The following CRYAB variants were observed in gnomAD, a reference collection of about 807,000 sequenced individuals.
CRYAB encodes the protein crystallin alpha B, also known as alpha-crystallin B chain.
In CRYAB, 9 loss-of-function variants were observed where a neutral mutation model predicts 12.7. The observed-to-expected ratio is 0.71, with a 90% confidence interval of 0.43 to 1.24. CRYAB has a LOEUF of 1.24. CRYAB is among the 50% of genes most tolerant of loss of function. CRYAB has a pLI of 0.00. For missense variants in CRYAB, 183 were observed against 226.6 expected (o/e 0.81, Z 1.24); for synonymous variants, 93 against 86.8 (o/e 1.07, Z -0.40).
chr11:111,919,023 C>T (rs781805876), intron 1 of CRYAB: 2 of 1,614,002 alleles, frequency 1.2e-6, no homozygotes, highest in East Asian at 2.2e-5. Flanking sequence ...GCTGGAAGGG[C>T]AAAGGGGAAC....
chr11:111,915,006 G>A (rs1965575768), upstream of CRYAB, among the ~76,000 whole-genome samples: 1 of 152,272 alleles, frequency 6.6e-6, no homozygotes, highest in African/African-American at 2.4e-5. Flanking sequence ...GGAGGTTGAA[G>A]CTGCAGTGAG....
chr11:111,911,820 G>A, upstream of CRYAB: 1 of 830,458 alleles, frequency 1.2e-6, no homozygotes, highest in Non-Finnish European at 2.0e-6. Context: ...TGAAGCTTCT[G>A]GAATGGTGAT....
Position 111,910,387 on chromosome 11 carries a change from T to C in CRYAB, c.264A>G (p.Glu88=), listed in dbSNP as rs782663050. The change falls in exon 2 of 3, where the codon GAA becomes GAG. Residue 88 remains glutamate (E), a synonymous_variant. Transcript: ENST00000650687. The part of the protein sequence containing the change: ...NLDVKHFSPE[E]LKVKVLGDVI... The stretch of plus-strand genomic sequence containing the variant: ...CATCTCCCAACACCTTAACTTTGAG[T>C]TCCTCTGGGGAGAAGTGCTTCACAT... The C allele has an allele frequency of 1.2e-6, 2 of 1,614,180 alleles. No homozygotes were observed. The highest frequency in any genetic ancestry group is 1.7e-6 in the Non-Finnish European group (2 of 1,180,014).
Position 111,908,846 on chromosome 11 carries a change from C to G in CRYAB, c.446G>C (p.Arg149Thr). Residue 149 changes from arginine (R) to threonine (T), a missense_variant, in exon 3 of 3, where the codon AGG (arginine) becomes ACG (threonine). Arg to Thr is a moderately conservative substitution (Grantham distance 71, BLOSUM62 -1). Coordinates refer to ENST00000650687, the MANE Select transcript of CRYAB (RefSeq NM_001289808.2). ...GCGCTCAGGGCCAGAGACCTGTTTC[C>G]TTGGTCCATTCACAGTGAGGACCCC... is the stretch of plus-strand genomic sequence containing the variant. ...SDGVLTVNGPRKQVSGPERTI... is the reference protein window; with the variant it reads ...SDGVLTVNGPTKQVSGPERTI... 6.2e-7 allele frequency: 1 copy of G among 1,614,064 alleles called. No individual in the cohort carries two copies. Among genetic ancestry groups the G allele is most frequent in the Non-Finnish European group, 8.5e-7 (1 of 1,180,028 alleles).
intron 1 of CRYAB, among the ~76,000 whole-genome samples, chr11:111,921,478 A>T (rs1003261138): frequency 6.6e-6 from 1 of 152,214 alleles, no homozygotes; most frequent in Non-Finnish European, 1.5e-5. Flanking sequence ...TTAAGTTAGT[A>T]AAAAAGGCCC....
At chr11:111,920,499 C>T (rs1555166460) in intron 1 of CRYAB, among the ~76,000 whole-genome samples, 6 of 151,960 alleles carry the variant, frequency 3.9e-5, no homozygotes. Flanking sequence ...GATTGCGCCA[C>T]TGCAGTCCAG....
At chr11:111,913,829 C>T, upstream of CRYAB, 2 of 1,614,090 alleles carry the variant, frequency 1.2e-6, no homozygotes, top group South Asian at 2.2e-5. Context: ...ATGAGGTCTA[C>T]ATCTCCCTGC....
chr11:111,912,558 C>A, upstream of CRYAB: 1 of 524,574 alleles, frequency 1.9e-6, no homozygotes, highest in South Asian at 2.2e-5. Flanking sequence ...CCAGCCAGGA[C>A]CCTCAGCTGT....
At chr11:111,920,217 G>A (rs376472508) in intron 1 of CRYAB, among the ~76,000 whole-genome samples, 62 of 151,564 alleles carry the variant, frequency 4.1e-4, no homozygotes, top group South Asian at 2.3e-3. Context: ...AAATAAAATA[G>A]AATAAAATAA....
chr11:111,910,091 A>C, intron 2 of CRYAB: 1 of 667,184 alleles, frequency 1.5e-6, no homozygotes, highest in Non-Finnish European at 2.7e-6. Context: ...GGGCATCAGC[A>C]TCCCATCATC....
upstream of CRYAB, chr11:111,913,213 T>C (rs1489828138): frequency 3.0e-5 from 17 of 571,692 alleles, no homozygotes; most frequent in African/African-American, 3.1e-4. Context: ...CTCCTCCTCC[T>C]CCCCCTCCTC....
chr11:111,912,862 G>T, upstream of CRYAB: 2 of 1,608,426 alleles, frequency 1.2e-6, no homozygotes, highest in Admixed American at 1.7e-5. Context: ...ATGCCCACCC[G>T]GCCACCGCCG....
Position 111,911,605 on chromosome 11 carries a change from C to T in CRYAB, c.120G>A (p.Thr40=), listed in dbSNP as rs374981255. 24 of 1,613,058 alleles carry T rather than the reference C, an allele frequency of 1.5e-5. No homozygotes were observed. The African/African-American group carries it at 1.6e-4, about 11-fold the overall frequency. Residue 40 remains threonine (T), a synonymous_variant, in exon 1 of 3, where the codon ACG becomes ACA. Transcript: ENST00000650687. ...EHLLESDLFP[T]STSLSPFYLR... Reference sequence around the variant, plus strand: ...GGTAGAAGGGACTCAGGGAAGTAGACGTCGGGAAAAGATCAGACTCCAACA... The same window carrying T: ...GGTAGAAGGGACTCAGGGAAGTAGATGTCGGGAAAAGATCAGACTCCAACA...
chr11:111,914,723 T>A (rs1555166022), upstream of CRYAB, among the ~76,000 whole-genome samples: 1 of 152,202 alleles, frequency 6.6e-6, no homozygotes, highest in Non-Finnish European at 1.5e-5. Context: ...AAGACCTTCC[T>A]GCCTCCAAAT....
upstream of CRYAB, chr11:111,912,947 T>TTC: frequency 8.7e-7 from 1 of 1,143,326 alleles, no homozygotes; most frequent in Non-Finnish European, 1.2e-6. Context: ...ACCACCCCCT[T>TTC]GCCCCCCACC....
chr11:111,916,539 A>G (rs782544219), upstream of CRYAB, among the ~76,000 whole-genome samples: 25 of 152,196 alleles, frequency 1.6e-4, no homozygotes, highest in Non-Finnish European at 1.3e-4. Context: ...TGTTCTTTCA[A>G]CCATATCATA....
At chr11:111,922,699 A>T (rs1442683223) in intron 1 of CRYAB, among the ~76,000 whole-genome samples, 1 of 152,232 alleles carries the variant, frequency 6.6e-6, no homozygotes, top group African/African-American at 2.4e-5. Flanking sequence ...GTCAGTTACC[A>T]AATCATGGAC....
At chr11:111,913,481 T>C (rs1965536242), upstream of CRYAB, 1 of 1,612,708 alleles carries the variant, frequency 6.2e-7, no homozygotes, top group Non-Finnish European at 8.5e-7. Context: ...CACTCTACCA[T>C]GGCTACTATG....
At chr11:111,909,992 T>A in intron 2 of CRYAB, 1 of 602,276 alleles carries the variant, frequency 1.7e-6, no homozygotes. Context: ...ATATGCTAAT[T>A]GGTCTGGAGT....
Sources: allele counts gnomAD v4.1 joint callset (sites outside exome capture counted in the v4.1 genomes callset), GRCh38; gene constraint gnomAD v4.1.1; transcripts MANE v1.5; gene names NCBI Gene and HGNC (gene_info 2026-07-23, HGNC 2026-07-21).